The following MYBPC1 variants were observed in gnomAD, a reference collection of about 807,000 sequenced individuals.
The protein encoded by MYBPC1 is myosin-binding protein C, slow-type.
A neutral mutation model predicts 147.1 loss-of-function variants in MYBPC1; 52 were observed. The observed-to-expected ratio is 0.35, with a 90% confidence interval of 0.28 to 0.45. The LOEUF (loss-of-function observed/expected upper bound fraction) is 0.45, where lower values mean the gene tolerates loss of function less well. MYBPC1 is among the 20% of genes least tolerant of loss of function. MYBPC1 has a pLI of 1.00. For missense variants in MYBPC1, 1,228 were observed against 1,440.3 expected (o/e 0.85, Z 2.39); for synonymous variants, 477 against 475.9 (o/e 1.00, Z -0.03).
At chr12:101,599,538 T>C (rs987777486) in intron 1 of MYBPC1, among the ~76,000 whole-genome samples, 3 of 152,334 alleles carry the variant, frequency 2.0e-5, no homozygotes, top group South Asian at 2.1e-4. Context: ...TATCTCTTCT[T>C]TGACCTTCAG....
intron 6 of MYBPC1, among the ~76,000 whole-genome samples, chr12:101,630,252 C>T (rs1889612646): frequency 6.6e-6 from 1 of 151,544 alleles, no homozygotes; most frequent in Admixed American, 6.6e-5. Context: ...GATAATATTC[C>T]ACTGTGTGTA....
chr12:101,623,448 T>C (rs1375845537), intron 3 of MYBPC1, among the ~76,000 whole-genome samples: 1 of 152,240 alleles, frequency 6.6e-6, no homozygotes. Context: ...TATCAATCAA[T>C]TTTTTAAAGA....
At chr12:101,637,423 C>A (rs1475974549) in intron 10 of MYBPC1, among the ~76,000 whole-genome samples, 1 of 152,034 alleles carries the variant, frequency 6.6e-6, no homozygotes, top group Non-Finnish European at 1.5e-5. Context: ...ATATATATTT[C>A]TATAACTGCT....
At chr12:101,638,959 T>C (rs560613901) in intron 10 of MYBPC1, among the ~76,000 whole-genome samples, 1 of 145,478 alleles carries the variant, frequency 6.9e-6, no homozygotes, top group South Asian at 2.2e-4. Context: ...TGCGTTTTCA[T>C]TGCGGTAATG....
intron 10 of MYBPC1, among the ~76,000 whole-genome samples, chr12:101,638,603 CACAA>C (rs1245928739): frequency 6.6e-6 from 1 of 152,046 alleles, no homozygotes; most frequent in Non-Finnish European, 1.5e-5. Flanking sequence ...GGAGACAACA[CACAA>C]ACACATACAC....
rs140297200 is a variant in MYBPC1 at position 101,633,809 on chromosome 12, G to A, written c.557-745G>A. 7.9e-3 allele frequency among the ~76,000 whole-genome samples: 1,199 copies of A among 151,972 alleles called. 7 individuals carry two copies. Among genetic ancestry groups the A allele is most frequent in the Non-Finnish European group, 0.012 (831 of 67,964 alleles). ...GGATGGCCATGGGTCGGGTGCTGTCGATATTTCTGTATTAGGTGGGATCTG... is the reference window on the plus strand; with the variant it reads ...GGATGGCCATGGGTCGGGTGCTGTCAATATTTCTGTATTAGGTGGGATCTG... On this transcript the variant is annotated intron_variant, in intron 8 of 31. Transcript: ENST00000361466.
chr12:101,663,648 C>A, intron 22 of MYBPC1, 88 bp downstream of exon 22: 1 of 1,410,594 alleles, frequency 7.1e-7, no homozygotes, highest in Non-Finnish European at 9.8e-7. Context: ...TTCTTGAGAA[C>A]GCATCACCTT....
rs140822567 is a variant in MYBPC1 at position 101,678,447 on chromosome 12, A to G, written c.3246+209A>G. ...ATTTCTTTGCTAAGGGATTCCTTCT[A>G]AAGAAAAAGCAAACCACCTATTTAA... On this transcript the variant is annotated intron_variant, in intron 28 of 31. Coordinates refer to ENST00000361466, the MANE Select transcript of MYBPC1 (RefSeq NM_002465.4). Among the ~76,000 whole-genome samples, 515 of 152,368 alleles carry G rather than the reference A, an allele frequency of 3.4e-3. 3 individuals carry two copies. The highest frequency in any genetic ancestry group is 0.012 in the African/African-American group (495 of 41,584).
At chr12:101,650,600 C>T (rs1335731660) in intron 15 of MYBPC1, among the ~76,000 whole-genome samples, 3 of 152,104 alleles carry the variant, frequency 2.0e-5, no homozygotes, top group Non-Finnish European at 2.9e-5. Flanking sequence ...CAATTACCTC[C>T]CACCACGTCC....
chr12:101,679,371 C>A (rs903594224), intron 28 of MYBPC1, among the ~76,000 whole-genome samples: 3 of 152,004 alleles, frequency 2.0e-5, no homozygotes, highest in African/African-American at 7.3e-5. Context: ...CTTGCCAAAG[C>A]TTTAGAAAGG....
At chr12:101,671,896 G>A (rs371258389) in intron 24 of MYBPC1, among the ~76,000 whole-genome samples, 3 of 152,176 alleles carry the variant, frequency 2.0e-5, no homozygotes, top group Admixed American at 6.5e-5. Flanking sequence ...TCTAGAGTTC[G>A]CAAACATTTT....
At chr12:101,676,121 G>A (rs561514944) in intron 26 of MYBPC1, among the ~76,000 whole-genome samples, 13 of 152,196 alleles carry the variant, frequency 8.5e-5, no homozygotes, top group East Asian at 7.7e-4. Context: ...TATCGTTAGC[G>A]TTAGTCTATT....
intron 1 of MYBPC1, among the ~76,000 whole-genome samples, chr12:101,608,104 A>G (rs965605477): frequency 7.9e-5 from 12 of 152,256 alleles, no homozygotes; most frequent in Non-Finnish European, 1.6e-4. Context: ...TGCTTTTTAC[A>G]GTAGGTGACC....
chr12:101,680,379 G>A lies in MYBPC1; in HGVS notation c.3283G>A (p.Val1095Met). 1.2e-6 allele frequency: 2 copies of A among 1,614,052 alleles called. No individual in the cohort carries two copies. The highest frequency in any genetic ancestry group is 2.2e-5 in the East Asian group (1 of 44,876). ...CTGGATGAAAAACAAAGTTGCTATT[G>A]TGGATGATCCAAGATACAGGATGTT... ...ITWMKNKVAIVDDPRYRMFSN... is the reference protein window; with the variant it reads ...ITWMKNKVAIMDDPRYRMFSN... The change falls in exon 29 of 32, where the codon GTG becomes ATG. Residue 1095 changes from valine (V) to methionine (M), a missense_variant. Val to Met is a conservative substitution (Grantham distance 21). Transcript: ENST00000361466.
rs756208928 is a variant in MYBPC1, at chr12:101,651,319, CA to C, written c.1453del (p.Ile485TyrfsTer18). ...ICLKCEISEN[I>X]PGKWTKNGLP... ...GCCTGAAGTGTGAAATCTCTGAAAA[CA>C]TACCAGGAAAATGGACTAAAAATGG... On this transcript the variant is annotated frameshift_variant, in exon 16 of 32. Transcript: ENST00000361466. LOFTEE classifies it high-confidence loss of function. 1 of 1,614,112 alleles carries C rather than the reference CA, an allele frequency of 6.2e-7. No individual in the cohort carries two copies. The highest frequency in any genetic ancestry group is 8.5e-7 in the Non-Finnish European group (1 of 1,179,978).
chr12:101,654,137 G>A (rs1301108554), intron 18 of MYBPC1, among the ~76,000 whole-genome samples: 1 of 152,138 alleles, frequency 6.6e-6, no homozygotes, highest in African/African-American at 2.4e-5. Context: ...AACCCGGGAG[G>A]CAGAGGTTGC....
chr12:101,647,839 A>G (rs1161299074), intron 13 of MYBPC1, among the ~76,000 whole-genome samples: 2 of 152,180 alleles, frequency 1.3e-5, no homozygotes, highest in Non-Finnish European at 2.9e-5. Flanking sequence ...TTAAGCCAAG[A>G]TCACGCCACT....
At chr12:101,691,576 G>A in the MYBPC1 span, among the ~76,000 whole-genome samples, 3 of 152,324 alleles carry the variant, frequency 2.0e-5, no homozygotes, top group African/African-American at 7.2e-5. Context: ...AGAACTAGTA[G>A]TAAAACTGAG....
chr12:101,645,886 T>A (rs1593867170), intron 12 of MYBPC1, among the ~76,000 whole-genome samples: 1 of 152,378 alleles, frequency 6.6e-6, no homozygotes, highest in East Asian at 1.9e-4. Context: ...ATAGCACCAG[T>A]TCTTGAGCTC....
Sources: gnomAD v4.1 joint callset for allele counts (sites outside exome capture counted in the v4.1 genomes callset) on GRCh38, gnomAD v4.1.1 for gene constraint, MANE v1.5 for transcripts, NCBI Gene and HGNC (gene_info 2026-07-23, HGNC 2026-07-21) for gene names.